Variants in RALGPS2 observed in about 807,000 individuals in gnomAD.
The protein encoded by RALGPS2 is Ral GEF with PH domain and SH3 binding motif 2.
In RALGPS2, 43 loss-of-function variants were observed where a neutral mutation model predicts 86.8. The observed-to-expected ratio is 0.50, with a 90% CI of 0.39 to 0.64. RALGPS2 has a LOEUF of 0.64. Among genes scored for constraint, RALGPS2 ranks in the 30% least tolerant of loss-of-function variants. The pLI, the probability that RALGPS2 is intolerant of heterozygous loss-of-function variation, is 0.00. For synonymous variants in RALGPS2, 243 were observed against 231.3 expected, an observed-to-expected ratio of 1.05 and a Z score of -0.46; for missense variants, 536 against 694.6, an observed-to-expected ratio of 0.77 and a Z score of 2.57.
intron 7 of RALGPS2, among the ~76,000 whole-genome samples, chr1:178,823,045 C>T (rs544085127): frequency 7.2e-5 from 11 of 152,236 alleles, no homozygotes; most frequent in African/African-American, 1.9e-4. Context: ...TGTTTTCGAA[C>T]GCCTGATCTC....
intron 1 of RALGPS2, among the ~76,000 whole-genome samples, chr1:178,749,347 G>A (rs1024680785): frequency 4.6e-5 from 7 of 152,244 alleles, no homozygotes; most frequent in South Asian, 2.1e-4. Flanking sequence ...ATCAGCTGGC[G>A]TGGTAGTGGG....
intron 19 of RALGPS2, among the ~76,000 whole-genome samples, chr1:178,915,735 A>G (rs1189519943): frequency 6.6e-6 from 1 of 152,240 alleles, no homozygotes; most frequent in African/African-American, 2.4e-5. Flanking sequence ...GAGCTGTCTT[A>G]AGGACAGAAA....
chr1:178,767,189 T>C (rs1366846295), intron 1 of RALGPS2, among the ~76,000 whole-genome samples: 1 of 152,220 alleles, frequency 6.6e-6, no homozygotes, highest in Non-Finnish European at 1.5e-5. Context: ...TTCCTATACA[T>C]ATTCTGAATT....
intron 4 of RALGPS2, among the ~76,000 whole-genome samples, chr1:178,786,712 A>G (rs1653669242): frequency 1.3e-5 from 2 of 151,924 alleles, no homozygotes; most frequent in African/African-American, 2.4e-5. Flanking sequence ...AAAGTCATTG[A>G]TAATCCTGAA....
intron 19 of RALGPS2, among the ~76,000 whole-genome samples, chr1:178,908,157 A>G (rs1204400296): frequency 6.6e-6 from 1 of 151,886 alleles, no homozygotes; most frequent in Non-Finnish European, 1.5e-5. Context: ...TTCAATGTTT[A>G]CCTCCCACTT....
At chr1:178,880,379 A>G (rs981594883) in intron 10 of RALGPS2, among the ~76,000 whole-genome samples, 2 of 152,174 alleles carry the variant, frequency 1.3e-5, no homozygotes, top group Non-Finnish European at 2.9e-5. Flanking sequence ...CTTTATTGCC[A>G]TCTTCTCTCT....
chr1:178,876,512 A>G (rs1270883407), intron 8 of RALGPS2, among the ~76,000 whole-genome samples: 1 of 152,220 alleles, frequency 6.6e-6, no homozygotes, highest in Non-Finnish European at 1.5e-5. Context: ...ACCGAATTAG[A>G]TAAGCAAAAT....
intron 6 of RALGPS2, among the ~76,000 whole-genome samples, chr1:178,820,888 C>T (rs1655466534): frequency 6.6e-6 from 1 of 152,140 alleles, no homozygotes; most frequent in Non-Finnish European, 1.5e-5. Context: ...AGACCTGGGG[C>T]TTACCTGGCT....
intron 8 of RALGPS2, chr1:178,865,535 G>GT: frequency 6.2e-7 from 1 of 1,614,078 alleles, no homozygotes; most frequent in Non-Finnish European, 8.5e-7. Context: ...GTCCATCCTG[G>GT]TGATCATGTC....
chr1:178,760,504 C>A (rs1652182031), intron 1 of RALGPS2, among the ~76,000 whole-genome samples: 1 of 152,146 alleles, frequency 6.6e-6, no homozygotes, highest in Non-Finnish European at 1.5e-5. Context: ...GCAACCCCTG[C>A]TCTTTTTTGT....
intron 19 of RALGPS2, among the ~76,000 whole-genome samples, chr1:178,915,370 G>A (rs1417067637): frequency 6.6e-6 from 1 of 152,092 alleles, no homozygotes; most frequent in Non-Finnish European, 1.5e-5. Context: ...TGAGTAGCTG[G>A]GATTACAGGC....
At chr1:178,878,441 T>C (rs901742274) in intron 9 of RALGPS2, among the ~76,000 whole-genome samples, 5 of 152,260 alleles carry the variant, frequency 3.3e-5, no homozygotes, top group Admixed American at 1.3e-4. Context: ...TACTGAAAGT[T>C]AAATCAAATA....
chr1:178,879,272 A>T, intron 10 of RALGPS2: 1 of 243,208 alleles, frequency 4.1e-6, no homozygotes. Context: ...CCCCATATTC[A>T]ATCATTGAAT....
At chr1:178,743,771 A>G (rs1395010750) in intron 1 of RALGPS2, among the ~76,000 whole-genome samples, 1 of 152,186 alleles carries the variant, frequency 6.6e-6, no homozygotes, top group Non-Finnish European at 1.5e-5. Context: ...TTTTTGACAG[A>G]CACATACTAC....
intron 4 of RALGPS2, among the ~76,000 whole-genome samples, chr1:178,796,595 T>C (rs1161370957): frequency 6.6e-6 from 1 of 152,182 alleles, no homozygotes; most frequent in Non-Finnish European, 1.5e-5. Flanking sequence ...CTAGTCTATA[T>C]TGGCTTTTTC....
intron 8 of RALGPS2, among the ~76,000 whole-genome samples, chr1:178,858,406 G>T (rs1161273142): frequency 6.6e-6 from 1 of 152,052 alleles, no homozygotes; most frequent in East Asian, 1.9e-4. Context: ...CTTTATTCTT[G>T]AGAAGCCAGA....
At chr1:178,833,629 T>G in intron 8 of RALGPS2, 79 bp downstream of exon 8, 1 of 1,486,720 alleles carries the variant, frequency 6.7e-7, no homozygotes, top group Non-Finnish European at 8.9e-7. Flanking sequence ...ATTCAAGGTA[T>G]TTTTTAAATG....
rs573063975 is a variant in RALGPS2 at position 178,917,997 on chromosome 1, A to G, written c.*1638A>G. 54 of 152,328 alleles carry G rather than the reference A, an allele frequency of 3.5e-4. No individual in the cohort carries two copies. Among genetic ancestry groups the G allele is most frequent in the African/African-American group, 1.3e-3 (52 of 41,594 alleles). 9.4% of individuals were successfully genotyped at this position (152,328 alleles called of 1,614,324 possible). A position where few individuals can be genotyped will look rare whatever the true frequency, so the allele number is the denominator to read the frequency against. On this transcript the variant is annotated 3_prime_UTR_variant, in exon 20 of 20. Transcript: ENST00000367635. ...GAAACTTCAATAGAAAATATTGCTT[A>G]TACAATAATTAGCTTAAAATCCATC...
chr1:178,753,107 G>C (rs1351064819), intron 1 of RALGPS2, among the ~76,000 whole-genome samples: 4 of 152,168 alleles, frequency 2.6e-5, no homozygotes, highest in Non-Finnish European at 5.9e-5. Flanking sequence ...CTGAATACGA[G>C]GCACTGAATG....
Sources: allele counts gnomAD v4.1 joint callset (sites outside exome capture counted in the v4.1 genomes callset), GRCh38; gene constraint gnomAD v4.1.1; transcripts MANE v1.5; gene names NCBI Gene and HGNC (gene_info 2026-07-23, HGNC 2026-07-21).